Variants in RANBP2 observed in about 807,000 individuals in gnomAD.
The protein encoded by RANBP2 is RAN binding protein 2.
In RANBP2, 57 loss-of-function variants were observed where a neutral mutation model predicts 303.6. That is an observed-to-expected ratio of 0.19 (90% CI 0.15 to 0.23). The LOEUF (loss-of-function observed/expected upper bound fraction) is 0.23, where lower values mean the gene tolerates loss of function less well. RANBP2 is among the 10% of genes least tolerant of loss of function. The pLI is 1.00. For missense variants in RANBP2, 3,138 were observed against 3,780.8 expected (o/e 0.83, Z 4.46); for synonymous variants, 1,167 against 1,301.5 (o/e 0.90, Z 2.23).
rs1677523377 is a variant in RANBP2, at chr2:108,771,858, A to G, written c.8007A>G (p.Glu2669=). Residue 2669 remains glutamate, a synonymous_variant, in exon 21 of 29, where the codon GAA becomes GAG. Transcript: ENST00000283195. The part of the protein sequence containing the change: ...CYKNRPDYVS[E]EEEDDEDFET... ...AGAATAGACCAGATTATGTTAGTGA[A>G]GAAGAGGAGGATGGTAAAACTTTTG... 1 of 1,614,030 alleles carries G rather than the reference A, an allele frequency of 6.2e-7. No homozygotes were observed. The highest frequency in any genetic ancestry group is 8.5e-7 in the Non-Finnish European group (1 of 1,179,926).
At chr2:108,721,368 A>C (rs1694231203) in intron 1 of RANBP2, among the ~76,000 whole-genome samples, 1 of 152,186 alleles carries the variant, frequency 6.6e-6, no homozygotes. Context: ...ATAAATATGA[A>C]TGTGATGATA....
chr2:109,133,814 A>C, the RANBP2 span, among the ~76,000 whole-genome samples: 1 of 150,576 alleles, frequency 6.6e-6, no homozygotes, highest in Non-Finnish European at 1.5e-5. Flanking sequence ...TACAACTTGC[A>C]TTAGCATAGT....
chr2:109,345,484 C>T, the RANBP2 span, among the ~76,000 whole-genome samples: 2 of 152,118 alleles, frequency 1.3e-5, no homozygotes, highest in Non-Finnish European at 2.9e-5. Context: ...TCTTATAACA[C>T]GGCTTTTAAG....
chr2:108,756,142 G>A (rs1034209790), intron 17 of RANBP2, among the ~76,000 whole-genome samples: 1 of 152,146 alleles, frequency 6.6e-6, no homozygotes, highest in African/African-American at 2.4e-5. Flanking sequence ...CACAGAGAAG[G>A]TTCCTGAGTG....
At chr2:108,790,066 C>T (rs1679646663), downstream of RANBP2, among the ~76,000 whole-genome samples, 1 of 152,032 alleles carries the variant, frequency 6.6e-6, no homozygotes, top group Non-Finnish European at 1.5e-5. Flanking sequence ...ACAGTTTTCT[C>T]TTTCTCTACT....
At chr2:108,989,817 G>GT in the RANBP2 span, among the ~76,000 whole-genome samples, 5 of 151,652 alleles carry the variant, frequency 3.3e-5, no homozygotes, top group South Asian at 8.4e-4. Context: ...TAAATGATTG[G>GT]GGGGGGGAAA....
chr2:109,609,875 G>A, the RANBP2 span, among the ~76,000 whole-genome samples: 3 of 152,156 alleles, frequency 2.0e-5, no homozygotes, highest in East Asian at 1.9e-4. Context: ...TTTCTCGGGA[G>A]ATGAAAAGGC....
the RANBP2 span, among the ~76,000 whole-genome samples, chr2:109,063,328 A>G: frequency 9.0e-4 from 137 of 152,224 alleles, 1 homozygote; most frequent in African/African-American, 3.2e-3. Context: ...CCTCCCTCAC[A>G]AAATGCCCTG....
At chr2:109,584,519 A>G in the RANBP2 span, among the ~76,000 whole-genome samples, 1 of 151,728 alleles carries the variant, frequency 6.6e-6, no homozygotes, top group Admixed American at 6.6e-5. Context: ...TTCAAAAAGG[A>G]AAACGAACAA....
chr2:109,679,591 C>T, the RANBP2 span, among the ~76,000 whole-genome samples: 4,103 of 152,284 alleles, frequency 0.027, 155 homozygotes, highest in African/African-American at 0.084. Flanking sequence ...CTCAGTGCTG[C>T]CTTTTCCAGC....
the RANBP2 span, among the ~76,000 whole-genome samples, chr2:109,004,604 G>A: frequency 6.6e-6 from 1 of 152,320 alleles, no homozygotes; most frequent in East Asian, 1.9e-4. Context: ...GGCACAGTGA[G>A]AAGCGAGAAG....
chr2:108,867,780 T>A, the RANBP2 span, among the ~76,000 whole-genome samples: 1 of 152,198 alleles, frequency 6.6e-6, no homozygotes, highest in African/African-American at 2.4e-5. Flanking sequence ...AGGTTTTTGG[T>A]TGGTATTGAA....
At chr2:108,778,171 T>TAC (rs1200990719) in intron 25 of RANBP2, among the ~76,000 whole-genome samples, 1 of 152,214 alleles carries the variant, frequency 6.6e-6, no homozygotes, top group African/African-American at 2.4e-5. Flanking sequence ...TTACTCAGTG[T>TAC]AGCCTCTTTG....
At chr2:109,050,441 TG>T in the RANBP2 span, among the ~76,000 whole-genome samples, 2 of 151,590 alleles carry the variant, frequency 1.3e-5, no homozygotes, top group African/African-American at 4.9e-5. Flanking sequence ...TTTGTAGAGA[TG>T]GGGGGTCTCA....
the RANBP2 span, among the ~76,000 whole-genome samples, chr2:109,023,918 T>TTTTA: frequency 0.041 from 6,212 of 151,926 alleles, 414 homozygotes; most frequent in African/African-American, 0.14. Flanking sequence ...CTGCTTATAT[T>TTTTA]TTTATTTATT....
chr2:108,838,669 A>G, the RANBP2 span, among the ~76,000 whole-genome samples: 1 of 152,208 alleles, frequency 6.6e-6, no homozygotes, highest in Non-Finnish European at 1.5e-5. Context: ...ATATTAAGAT[A>G]TGCATGCAAT....
chr2:109,475,144 AT>A, the RANBP2 span, among the ~76,000 whole-genome samples: 1 of 151,754 alleles, frequency 6.6e-6, no homozygotes, highest in African/African-American at 2.4e-5. Flanking sequence ...CGCCCAGCTA[AT>A]TTTTTGTATT....
the RANBP2 span, among the ~76,000 whole-genome samples, chr2:109,202,420 T>TTAGTACAATTACTAAATG: frequency 6.6e-6 from 1 of 152,216 alleles, no homozygotes; most frequent in African/African-American, 2.4e-5. Context: ...ATTGTACTTT[T>TTAGTACAATTACTAAATG]TAGTACAATT....
At chr2:109,015,819 A>G in the RANBP2 span, among the ~76,000 whole-genome samples, 42 of 152,340 alleles carry the variant, frequency 2.8e-4, no homozygotes, top group African/African-American at 1.0e-3. Flanking sequence ...TATAACATAT[A>G]AAATATGTGC....
Sources: allele counts gnomAD v4.1 joint callset (sites outside exome capture counted in the v4.1 genomes callset), GRCh38; gene constraint gnomAD v4.1.1; transcripts MANE v1.5; gene names NCBI Gene and HGNC (gene_info 2026-07-23, HGNC 2026-07-21).